Variants in ANAPC10 observed in about 807,000 individuals in gnomAD.
ANAPC10 encodes the protein anaphase promoting complex subunit 10, also known as anaphase-promoting complex subunit 10.
In ANAPC10, 12 loss-of-function variants were observed where a neutral mutation model predicts 22.0. That is an observed-to-expected ratio of 0.55 (90% confidence interval 0.35 to 0.88). The LOEUF is 0.88. Ranked by LOEUF, ANAPC10 falls within the 40% of genes least tolerant of loss-of-function variation. The pLI, the probability that ANAPC10 is intolerant of heterozygous loss-of-function variation, is 0.01. For missense variants in ANAPC10, 188 were observed against 220.9 expected (o/e 0.85, Z 0.94); for synonymous variants, 65 against 69.5 (o/e 0.94, Z 0.32).
intron 4 of ANAPC10, among the ~76,000 whole-genome samples, chr4:145,018,451 T>G (rs958158717): frequency 6.6e-6 from 1 of 151,716 alleles, no homozygotes; most frequent in Non-Finnish European, 1.5e-5. Context: ...CTAACCAACA[T>G]GGTGAAACCC....
intron 4 of ANAPC10, among the ~76,000 whole-genome samples, chr4:145,016,122 C>T (rs1208003758): frequency 1.3e-5 from 2 of 152,004 alleles, no homozygotes; most frequent in Non-Finnish European, 2.9e-5. Flanking sequence ...CTGGCCAGGG[C>T]AATCAGGCAG....
At chr4:145,085,917 G>T (rs368742261) in intron 2 of ANAPC10, among the ~76,000 whole-genome samples, 17 of 149,874 alleles carry the variant, frequency 1.1e-4, no homozygotes, top group African/African-American at 4.2e-4. Flanking sequence ...AGGCTGCAGT[G>T]CAGTGGCGCG....
chr4:145,000,382 G>A (rs1300582055), intron 4 of ANAPC10, among the ~76,000 whole-genome samples: 5 of 151,986 alleles, frequency 3.3e-5, no homozygotes, highest in Non-Finnish European at 1.5e-5. Flanking sequence ...ATCAAAAAGT[G>A]GGCAAAGGAA....
At chr4:145,006,087 A>T (rs1341582321) in intron 4 of ANAPC10, among the ~76,000 whole-genome samples, 2 of 152,086 alleles carry the variant, frequency 1.3e-5, no homozygotes, top group African/African-American at 4.8e-5. Context: ...GGGTTTTCTA[A>T]GTCTCTTTGT....
intron 4 of ANAPC10, among the ~76,000 whole-genome samples, chr4:145,030,778 T>A (rs890872850): frequency 1.3e-5 from 2 of 152,044 alleles, no homozygotes; most frequent in Non-Finnish European, 2.9e-5. Context: ...CTTAGAAAAA[T>A]AGTAAATCAA....
At chr4:145,004,107 G>C (rs781533177) in intron 4 of ANAPC10, among the ~76,000 whole-genome samples, 1 of 151,940 alleles carries the variant, frequency 6.6e-6, no homozygotes, top group Non-Finnish European at 1.5e-5. Flanking sequence ...TGGCTACTGT[G>C]AATAGAACTG....
chr4:145,086,274 TAATTTA>T (rs1370462491), intron 2 of ANAPC10, among the ~76,000 whole-genome samples: 3 of 152,216 alleles, frequency 2.0e-5, no homozygotes, highest in African/African-American at 7.2e-5. Flanking sequence ...TGAATTGTTT[TAATTTA>T]AACAAAAGAA....
rs149379725 is a variant in ANAPC10, at chr4:145,001,865, C to T, written c.328-6262G>A. On this transcript the variant is annotated intron_variant, in intron 4 of 4. Coordinates refer to ENST00000507656, the MANE Select transcript of ANAPC10 (RefSeq NM_001256706.2). ...GACTTACTTAAGAGCAGATGTAACC[C>T]GCTAGGCATGCACTGATTTACAGTA... Among the ~76,000 whole-genome samples the T allele has an allele frequency of 4.1e-3, 617 of 152,112 alleles. 9 individuals carry two copies. Among genetic ancestry groups the T allele is most frequent in the African/African-American group, 0.014 (571 of 41,486 alleles).
intron 4 of ANAPC10, among the ~76,000 whole-genome samples, chr4:145,030,725 C>A (rs1168626136): frequency 5.9e-5 from 9 of 152,160 alleles, no homozygotes; most frequent in African/African-American, 1.9e-4. Flanking sequence ...TGAGAACTAT[C>A]ATGGTGGGAA....
chr4:144,995,273 T>C lies in ANAPC10; in HGVS notation c.*100A>G. ...AAATATTTTTAAACATATACAAAAT[T>C]AGATATAACGGATGCCTTGTTCAAT... On this transcript the variant is annotated 3_prime_UTR_variant, in exon 5 of 5. Coordinates refer to ENST00000507656, the MANE Select transcript of ANAPC10 (RefSeq NM_001256706.2). 1.6e-6 allele frequency: 1 copy of C among 633,170 alleles called. No homozygotes were observed. The highest frequency in any genetic ancestry group is 2.5e-6 in the Non-Finnish European group (1 of 399,644). The allele number at this position is 633,170 out of a possible 1,614,324, so 39.2% of individuals were successfully genotyped here.
At chr4:145,010,308 C>G (rs1734091123) in intron 4 of ANAPC10, among the ~76,000 whole-genome samples, 1 of 152,112 alleles carries the variant, frequency 6.6e-6, no homozygotes, top group South Asian at 2.1e-4. Flanking sequence ...TTTGACCCAG[C>G]CATCCCATTA....
chr4:145,065,903 C>A (rs1259799554), intron 3 of ANAPC10, among the ~76,000 whole-genome samples: 2 of 151,374 alleles, frequency 1.3e-5, no homozygotes, highest in East Asian at 3.9e-4. Flanking sequence ...CATAGGAGAT[C>A]TTTATTTTCT....
At chr4:145,044,553 T>C (rs1467037169) in intron 4 of ANAPC10, among the ~76,000 whole-genome samples, 2 of 152,076 alleles carry the variant, frequency 1.3e-5, no homozygotes, top group African/African-American at 2.4e-5. Flanking sequence ...TTACAGGACA[T>C]AACAGTTTCT....
chr4:145,007,376 C>A (rs1334848307), intron 4 of ANAPC10, among the ~76,000 whole-genome samples: 1 of 152,060 alleles, frequency 6.6e-6, no homozygotes, highest in Admixed American at 6.6e-5. Context: ...CAAAATTGAC[C>A]ACATAGTTGG....
At chr4:145,095,026 TAGA>T (rs1748294431) in intron 2 of ANAPC10, among the ~76,000 whole-genome samples, 1 of 151,868 alleles carries the variant, frequency 6.6e-6, no homozygotes, top group Non-Finnish European at 1.5e-5. Context: ...ATAGTAGAGA[TAGA>T]GGAGGAAAAG....
At chr4:145,059,586 T>C (rs1203494716) in intron 4 of ANAPC10, among the ~76,000 whole-genome samples, 1 of 152,138 alleles carries the variant, frequency 6.6e-6, no homozygotes, top group Non-Finnish European at 1.5e-5. Flanking sequence ...TCACATATGC[T>C]GAAAGTGTCT....
intron 4 of ANAPC10, among the ~76,000 whole-genome samples, chr4:145,005,121 G>C (rs1018739041): frequency 6.6e-6 from 1 of 151,808 alleles, no homozygotes; most frequent in African/African-American, 2.4e-5. Context: ...TTTTTTGAAG[G>C]CTCACTGCAA....
rs1235534833 is a variant in ANAPC10 at position 145,030,824 on chromosome 4, T to G, written c.327+33748A>C. Among the ~76,000 whole-genome samples the G allele has an allele frequency of 2.0e-5, 3 of 152,160 alleles. No homozygotes were observed. The East Asian group carries it at 5.8e-4, about 29-fold the overall frequency. The stretch of plus-strand genomic sequence containing the variant: ...ACATCCCTGGAGGGGTTGCAAAGAT[T>G]AGTGCCACCATCAAGGACTTGAAGG... On this transcript the variant is annotated intron_variant, in intron 4 of 4. Transcript: ENST00000507656.
intron 4 of ANAPC10, among the ~76,000 whole-genome samples, chr4:144,996,608 A>G (rs1028269467): frequency 3.3e-5 from 5 of 152,206 alleles, no homozygotes; most frequent in African/African-American, 1.2e-4. Context: ...CCGAAGGTAG[A>G]TAAAACCACA....
Sources: gnomAD v4.1 joint callset for allele counts (sites outside exome capture counted in the v4.1 genomes callset) on GRCh38, gnomAD v4.1.1 for gene constraint, MANE v1.5 for transcripts, NCBI Gene and HGNC (gene_info 2026-07-23, HGNC 2026-07-21) for gene names.